The following ENOX1 variants were observed in gnomAD, a reference collection of about 807,000 sequenced individuals.
The protein encoded by ENOX1 is ecto-NOX disulfide-thiol exchanger 1, also known as candidate growth-related and time keeping constitutive hydroquinone (NADH) oxidase.
A neutral mutation model predicts 82.5 loss-of-function variants in ENOX1; 42 were observed. The observed-to-expected ratio is 0.51, with a 90% CI of 0.40 to 0.66. ENOX1 has a LOEUF of 0.66. ENOX1 is among the 30% of genes least tolerant of loss of function. The pLI is 0.00. For synonymous variants in ENOX1, 271 were observed against 282.2 expected (o/e 0.96, Z 0.40); for missense variants, 608 against 811.6 (o/e 0.75, Z 3.05).
At chr13:43,398,013 G>A (rs1358350810) in intron 5 of ENOX1, among the ~76,000 whole-genome samples, 2 of 152,142 alleles carry the variant, frequency 1.3e-5, no homozygotes, top group Non-Finnish European at 2.9e-5. Context: ...CAGTGAGGGG[G>A]CTCTCTTGGG....
chr13:43,299,308 AC>A (rs1350056595), intron 11 of ENOX1, among the ~76,000 whole-genome samples: 1 of 152,164 alleles, frequency 6.6e-6, no homozygotes, highest in Admixed American at 6.5e-5. Context: ...AACAAATGGT[AC>A]CAAACAAAGA....
At chr13:43,765,971 A>G (rs955995468) in intron 1 of ENOX1, among the ~76,000 whole-genome samples, 2 of 152,192 alleles carry the variant, frequency 1.3e-5, no homozygotes, top group African/African-American at 4.8e-5. Flanking sequence ...AAAAGGAGAG[A>G]CTTCATTGTC....
intron 2 of ENOX1, among the ~76,000 whole-genome samples, chr13:43,506,684 T>C (rs1158456700): frequency 2.2e-5 from 3 of 134,036 alleles, no homozygotes; most frequent in Non-Finnish European, 3.4e-5. Flanking sequence ...ATGTCCTTTG[T>C]AGGGACATGG....
At chr13:43,226,795 G>A (rs1034505213) in intron 15 of ENOX1, among the ~76,000 whole-genome samples, 1 of 152,202 alleles carries the variant, frequency 6.6e-6, no homozygotes, top group South Asian at 2.1e-4. Flanking sequence ...CCAGGGAGGT[G>A]AGGGCTGCTG....
chr13:43,526,257 A>G (rs1017321158), intron 2 of ENOX1, among the ~76,000 whole-genome samples: 1 of 152,164 alleles, frequency 6.6e-6, no homozygotes, highest in Non-Finnish European at 1.5e-5. Flanking sequence ...TTCCTACAGC[A>G]TTAGTGGAGA....
At chr13:43,267,108 C>T (rs2153479878) in intron 13 of ENOX1, among the ~76,000 whole-genome samples, 1 of 152,296 alleles carries the variant, frequency 6.6e-6, no homozygotes, top group South Asian at 2.1e-4. Context: ...GTGGAGGAAA[C>T]CCCTCCCCGC....
At position 43,403,063 on chromosome 13, in the gene ENOX1, T is replaced by A. The variant is rs188111984; in HGVS notation, c.208+8853A>T. 1.4e-4 allele frequency among the ~76,000 whole-genome samples: 22 copies of A among 152,198 alleles called. No homozygotes were observed. The East Asian group carries it at 4.0e-3, about 28-fold the overall frequency. The stretch of plus-strand genomic sequence containing the variant: ...TTATAGATTATATATTTAATACATG[T>A]ACATATGTCAATATGCATGCAATTA... On this transcript the variant is annotated intron_variant, in intron 5 of 16. Transcript: ENST00000690772.
chr13:43,775,446 G>A (rs2153837600), intron 1 of ENOX1, among the ~76,000 whole-genome samples: 1 of 152,204 alleles, frequency 6.6e-6, no homozygotes, highest in East Asian at 1.9e-4. Flanking sequence ...CTAGCCCAAA[G>A]GTGATTTTTC....
intron 2 of ENOX1, among the ~76,000 whole-genome samples, chr13:43,577,035 T>C (rs192590776): frequency 1.3e-5 from 2 of 152,164 alleles, no homozygotes; most frequent in Admixed American, 6.5e-5. Context: ...AAGATACAAG[T>C]ATAATAAGAA....
intron 14 of ENOX1, among the ~76,000 whole-genome samples, chr13:43,245,971 G>A (rs565041350): frequency 2.0e-5 from 3 of 152,122 alleles, no homozygotes; most frequent in Non-Finnish European, 2.9e-5. Flanking sequence ...CGGCTCACAC[G>A]AAGGACCCTT....
intron 1 of ENOX1, among the ~76,000 whole-genome samples, chr13:43,724,555 C>T (rs1298317214): frequency 2.0e-5 from 3 of 152,178 alleles, no homozygotes; most frequent in Non-Finnish European, 4.4e-5. Context: ...TACTCATTTG[C>T]GTATCTTCCC....
chr13:43,247,133 C>T lies in ENOX1; in HGVS notation c.1612-10395G>A, dbSNP rs182904955. Reference sequence around the variant, plus strand: ...TGTCAGGAGACCAGCCTGACCAATACGTTGAAACCCCGTCTCTACTAAAAA... The same window carrying T: ...TGTCAGGAGACCAGCCTGACCAATATGTTGAAACCCCGTCTCTACTAAAAA... On this transcript the variant is annotated intron_variant, in intron 14 of 16. Coordinates refer to ENST00000690772, the MANE Select transcript of ENOX1 (RefSeq NM_001347969.2). 3.4e-3 allele frequency among the ~76,000 whole-genome samples: 512 copies of T among 152,088 alleles called. 1 individual carries two copies. The highest frequency in any genetic ancestry group is 0.012 in the African/African-American group (494 of 41,472).
intron 5 of ENOX1, among the ~76,000 whole-genome samples, chr13:43,392,378 G>A (rs1338202408): frequency 6.6e-6 from 1 of 152,158 alleles, no homozygotes; most frequent in Non-Finnish European, 1.5e-5. Context: ...ACTAAACTAT[G>A]ACATTAAAAC....
intron 14 of ENOX1, among the ~76,000 whole-genome samples, chr13:43,256,285 A>C (rs2043740475): frequency 6.6e-6 from 1 of 152,230 alleles, no homozygotes; most frequent in Admixed American, 6.5e-5. Context: ...CAGGCAGCAG[A>C]AGCAAAAATA....
chr13:43,255,545 CA>C (rs1185992534), intron 14 of ENOX1, among the ~76,000 whole-genome samples: 2 of 151,806 alleles, frequency 1.3e-5, no homozygotes, highest in Non-Finnish European at 2.9e-5. Context: ...ATGACTCGGC[CA>C]AAAAACTGGT....
At chr13:43,711,328 C>T (rs1169133357) in intron 1 of ENOX1, among the ~76,000 whole-genome samples, 2 of 152,098 alleles carry the variant, frequency 1.3e-5, no homozygotes, top group Non-Finnish European at 2.9e-5. Context: ...CGTTGTTCGA[C>T]ATTTGGGTTG....
chr13:43,755,792 T>G (rs915267406), intron 1 of ENOX1, among the ~76,000 whole-genome samples: 2 of 152,226 alleles, frequency 1.3e-5, no homozygotes, highest in Admixed American at 1.3e-4. Flanking sequence ...ACATGTTGAT[T>G]ACTTTCTGGT....
At chr13:43,760,573 C>T (rs1251203130) in intron 1 of ENOX1, among the ~76,000 whole-genome samples, 1 of 152,106 alleles carries the variant, frequency 6.6e-6, no homozygotes, top group Non-Finnish European at 1.5e-5. Context: ...GGCCCGTTGA[C>T]TCCATTAGCA....
intron 3 of ENOX1, among the ~76,000 whole-genome samples, chr13:43,431,470 A>G (rs1241783425): frequency 6.6e-6 from 1 of 151,892 alleles, no homozygotes; most frequent in Non-Finnish European, 1.5e-5. Context: ...TACTAGCCTT[A>G]TTTTCTTTCT....
Sources: gnomAD v4.1 joint callset for allele counts (sites outside exome capture counted in the v4.1 genomes callset) on GRCh38, gnomAD v4.1.1 for gene constraint, MANE v1.5 for transcripts, NCBI Gene and HGNC (gene_info 2026-07-23, HGNC 2026-07-21) for gene names.